PCDH11X: variants seen among roughly 807,000 people sequenced by gnomAD.
PCDH11X encodes the protein protocadherin 11 X-linked.
In PCDH11X, 18 loss-of-function variants were observed where a neutral mutation model predicts 53.3. The observed-to-expected ratio is 0.34, with a 90% CI of 0.23 to 0.50. The LOEUF (loss-of-function observed/expected upper bound fraction) is 0.50. PCDH11X is among the 20% of genes least tolerant of loss of function. The pLI is 0.98. For missense variants in PCDH11X, 570 were observed against 1,032.4 expected (o/e 0.55, Z 6.14); for synonymous variants, 279 against 393.3 (o/e 0.71, Z 3.44).
chrX:91,944,501 C>T (rs1602537524), intron 6 of PCDH11X, among the ~76,000 whole-genome samples: 1 of 101,812 alleles, frequency 9.8e-6, no homozygotes, highest in Non-Finnish European at 2.0e-5. Context: ...AAGTAACTTT[C>T]GGGTGAATCA....
intron 6 of PCDH11X, among the ~76,000 whole-genome samples, chrX:91,962,500 C>T (rs2061802488): frequency 8.9e-6 from 1 of 112,284 alleles, no homozygotes; most frequent in African/African-American, 3.2e-5. Flanking sequence ...TTGCAGGGTA[C>T]AGCCCACCAT....
rs140137491 is a variant in PCDH11X at position 92,459,801 on chromosome X, G to C, written c.3344-8498G>C. ...CAGGCGCCGGGGGCTCTGGTTCCCG[G>C]ATCTCCGTGTCCCGCTCCACCAGCT... On this transcript the variant is annotated intron_variant, in intron 9 of 10. Transcript: ENST00000682573. 2.2e-3 allele frequency: 2,615 copies of C among 1,181,946 alleles called. 45 individuals are homozygous for C. In the African/African-American group the frequency reaches 0.039, roughly 18 times the overall value.
At chrX:92,385,929 G>A (rs2754881) in intron 8 of PCDH11X, among the ~76,000 whole-genome samples, 2 of 111,365 alleles carry the variant, frequency 1.8e-5, no homozygotes, top group South Asian at 3.8e-4. Context: ...TTTTCTGCTC[G>A]TACTAATTCT....
At chrX:92,521,411 C>T (rs2074368009) in intron 10 of PCDH11X, among the ~76,000 whole-genome samples, 1 of 111,056 alleles carries the variant, frequency 9.0e-6, no homozygotes, top group East Asian at 2.9e-4. Flanking sequence ...CTTTTTTTCT[C>T]AGCCGCAGAT....
At chrX:92,105,639 T>G (rs1602937820) in intron 6 of PCDH11X, among the ~76,000 whole-genome samples, 2 of 86,251 alleles carry the variant, frequency 2.3e-5, no homozygotes, top group African/African-American at 4.5e-5. Flanking sequence ...GGAGTGGGGG[T>G]CGCAAGGTGC....
intron 7 of PCDH11X, among the ~76,000 whole-genome samples, chrX:92,233,653 A>G (rs1450022401): frequency 8.9e-6 from 1 of 111,782 alleles, no homozygotes; most frequent in African/African-American, 3.2e-5. Flanking sequence ...TTTTCTTTAT[A>G]GAAATATTTA....
Position 91,991,015 on chromosome X carries a change from G to T in PCDH11X, c.3033+111742G>T, listed in dbSNP as rs773533944. Among the ~76,000 whole-genome samples the T allele has an allele frequency of 1.0e-3, 108 of 106,771 alleles. 1 individual carries two copies. Among genetic ancestry groups the T allele is most frequent in the African/African-American group, 3.6e-3 (106 of 29,156 alleles). The allele number at this position is 106,771 out of a possible 115,157, so 92.7% of individuals were successfully genotyped here. A position where few individuals can be genotyped will look rare whatever the true frequency, so the allele number is the denominator to read the frequency against. ...TTGCACCTGAAAGGGGGAGTTGCTTGTCATTGCTAGCTTAAGATGGGAGCT... is the reference window on the plus strand; with the variant it reads ...TTGCACCTGAAAGGGGGAGTTGCTTTTCATTGCTAGCTTAAGATGGGAGCT... On this transcript the variant is annotated intron_variant, in intron 6 of 10. Transcript: ENST00000682573.
chrX:92,217,046 A>T (rs1158902577), intron 7 of PCDH11X, among the ~76,000 whole-genome samples: 1 of 111,503 alleles, frequency 9.0e-6, no homozygotes, highest in African/African-American at 3.3e-5. Context: ...AGAGCTCCTG[A>T]AGGAAACACT....
chrX:92,588,480 G>A (rs1158557135), intron 10 of PCDH11X, among the ~76,000 whole-genome samples: 1 of 104,238 alleles, frequency 9.6e-6, no homozygotes, highest in Non-Finnish European at 2.0e-5. Flanking sequence ...AAGGAATCAA[G>A]CAGAAATTTT....
intron 6 of PCDH11X, among the ~76,000 whole-genome samples, chrX:91,968,049 A>T (rs2061892313): frequency 8.9e-6 from 1 of 111,883 alleles, no homozygotes; most frequent in African/African-American, 3.2e-5. Flanking sequence ...GTCTGGTTCT[A>T]TAAAGTGAAT....
intron 10 of PCDH11X, among the ~76,000 whole-genome samples, chrX:92,614,046 C>A (rs1422688355): frequency 9.0e-6 from 1 of 110,585 alleles, no homozygotes; most frequent in Non-Finnish European, 1.9e-5. Flanking sequence ...TCCTGGATTG[C>A]TTTAGAAGTT....
chrX:92,361,643 A>C (rs970854094), intron 8 of PCDH11X, among the ~76,000 whole-genome samples: 14 of 109,061 alleles, frequency 1.3e-4, no homozygotes, highest in African/African-American at 4.7e-4. Flanking sequence ...GTTAGCTTTT[A>C]AAAGATTTGT....
At chrX:91,825,339 T>C (rs1936875941) in intron 4 of PCDH11X, among the ~76,000 whole-genome samples, 1 of 111,014 alleles carries the variant, frequency 9.0e-6, no homozygotes, top group African/African-American at 3.3e-5. Flanking sequence ...TCCGTGGGCG[T>C]AGGACCTTCC....
intron 4 of PCDH11X, among the ~76,000 whole-genome samples, chrX:91,821,345 T>G: frequency 9.2e-6 from 1 of 108,399 alleles, no homozygotes; most frequent in East Asian, 2.9e-4. Flanking sequence ...CTCTTTTATT[T>G]CATTGAGCAG....
At chrX:92,545,197 A>G (rs2074825710) in intron 10 of PCDH11X, among the ~76,000 whole-genome samples, 1 of 110,682 alleles carries the variant, frequency 9.0e-6, no homozygotes, top group South Asian at 3.8e-4. Context: ...TTGGCATAAA[A>G]ACTAGAGAGG....
Position 92,326,623 on chromosome X carries a change from T to C in PCDH11X, c.3145-61112T>C, listed in dbSNP as rs910945071. Among the ~76,000 whole-genome samples the C allele has an allele frequency of 1.1e-4, 5 of 45,143 alleles. 1 individual carries two copies. Among genetic ancestry groups the C allele is most frequent in the African/African-American group, 7.7e-4 (5 of 6,525 alleles). 39.2% of individuals were successfully genotyped at this position (45,143 alleles called of 115,157 possible). On this transcript the variant is annotated intron_variant, in intron 8 of 10. Transcript: ENST00000682573. Reference sequence around the variant, plus strand: ...TTATTTTCAATTATTTTTAATAAACTATATATATATATATATAGAGAGAGA... The same window carrying C: ...TTATTTTCAATTATTTTTAATAAACCATATATATATATATATAGAGAGAGA...
chrX:92,437,192 A>G (rs2072402784), intron 9 of PCDH11X, among the ~76,000 whole-genome samples: 1 of 111,036 alleles, frequency 9.0e-6, no homozygotes, highest in Admixed American at 9.6e-5. Context: ...AGATGTGCAT[A>G]TGTGTGTATG....
intron 6 of PCDH11X, among the ~76,000 whole-genome samples, chrX:92,174,231 A>G (rs1022856130): frequency 1.8e-5 from 2 of 109,882 alleles, no homozygotes; most frequent in African/African-American, 6.6e-5. Context: ...TACAAAAAGA[A>G]AAAAAAACCT....
intron 6 of PCDH11X, among the ~76,000 whole-genome samples, chrX:92,124,555 A>G (rs2064828582): frequency 9.2e-6 from 1 of 108,488 alleles, no homozygotes; most frequent in Admixed American, 1.0e-4. Flanking sequence ...AAAAAAAAAA[A>G]AAAAATAGGC....
Sources: allele counts gnomAD v4.1 joint callset (sites outside exome capture counted in the v4.1 genomes callset), GRCh38; gene constraint gnomAD v4.1.1; transcripts MANE v1.5; gene names NCBI Gene and HGNC (gene_info 2026-07-23, HGNC 2026-07-21).